The following TOP1MT variants were observed in gnomAD, a reference collection of about 807,000 sequenced individuals.
The protein encoded by TOP1MT is DNA topoisomerase I mitochondrial.
In TOP1MT, 80 loss-of-function variants were observed where a neutral mutation model predicts 73.9. The ratio of observed to expected loss-of-function variants is 1.08; its 90% confidence interval spans 0.90 to 1.30. The LOEUF is 1.30. Ranked by LOEUF, TOP1MT falls within the 50% of genes most tolerant of loss-of-function variation. TOP1MT has a pLI of 0.00. For missense variants in TOP1MT, 815 were observed against 808.0 expected (o/e 1.01, Z -0.10); for synonymous variants, 338 against 326.4 (o/e 1.04, Z -0.38).
intron 1 of TOP1MT, chr8:143,355,885 C>T (rs1034505635): frequency 1.3e-5 from 2 of 152,294 alleles, no homozygotes; most frequent in African/African-American, 4.8e-5. Flanking sequence ...TGATCTCACC[C>T]TGTGCCCTCG....
chr8:143,345,623 T>A (rs561581933), upstream of TOP1MT, among the ~76,000 whole-genome samples: 2 of 152,344 alleles, frequency 1.3e-5, no homozygotes, highest in African/African-American at 4.8e-5. Context: ...AAGGCTTGCA[T>A]TAATTTAGTA....
Position 143,317,717 on chromosome 8 carries a change from G to T in TOP1MT, c.1330+6C>A. The T allele has an allele frequency of 5.6e-6, 9 of 1,611,412 alleles. No homozygotes were observed. Among genetic ancestry groups the T allele is most frequent in the Admixed American group, 1.7e-5 (1 of 59,998 alleles). On this transcript the variant is annotated splice_donor_region_variant and intron_variant, in intron 10 of 13. Transcript: ENST00000329245. ...CGCGCTGAGTGTGGGTGTGGGGCAG[G>T]CTCACCGCGCGTCAGGGCCCGCAGC... is the stretch of plus-strand genomic sequence containing the variant.
intron 2 of TOP1MT, among the ~76,000 whole-genome samples, chr8:143,330,384 C>T (rs1025332723): frequency 6.6e-6 from 1 of 152,216 alleles, no homozygotes; most frequent in Non-Finnish European, 1.5e-5. Context: ...CAGCGCGAGA[C>T]GCTCAGTAAG....
At chr8:143,324,703 G>A in intron 5 of TOP1MT, 74 bp from the exon 6 acceptor site, 1 of 1,551,144 alleles carries the variant, frequency 6.4e-7, no homozygotes, top group Non-Finnish European at 8.7e-7. Flanking sequence ...GAGCTGCTCT[G>A]GTCAACCGTC....
chr8:143,330,888 C>T (rs1227706266), intron 2 of TOP1MT, among the ~76,000 whole-genome samples: 2 of 136,762 alleles, frequency 1.5e-5, no homozygotes, highest in Admixed American at 8.9e-5. Flanking sequence ...TGTGTACACG[C>T]AGTGTACGTA....
chr8:143,321,291 C>T lies in TOP1MT; in HGVS notation c.1056G>A (p.Pro352=), dbSNP rs1816335373. 4 of 1,612,630 alleles carry T rather than the reference C, an allele frequency of 2.5e-6. No homozygotes were observed. Among genetic ancestry groups the T allele is most frequent in the South Asian group, 1.1e-5 (1 of 91,020 alleles). The part of the protein sequence containing the change: ...SLRVEHVQLH[P]EADGCQHVVE... ...CCACGTGTTGGCAGCCATCGGCCTC[C>T]GGGTGCAGCTGGACGTGCTCCACGC... is the stretch of plus-strand genomic sequence containing the variant. Residue 352 remains proline, a synonymous_variant, in exon 8 of 14, where the codon CCG becomes CCA. Transcript: ENST00000329245.
intron 8 of TOP1MT, 130 bp from the exon 9 acceptor site, chr8:143,318,216 C>T (rs1357029635): frequency 2.2e-5 from 16 of 724,762 alleles, no homozygotes; most frequent in South Asian, 5.0e-5. Context: ...GCAGCATCAC[C>T]GTCACCTGTC....
At chr8:143,346,361 A>G (rs1184850861), upstream of TOP1MT, among the ~76,000 whole-genome samples, 1 of 152,260 alleles carries the variant, frequency 6.6e-6, no homozygotes, top group East Asian at 1.9e-4. Flanking sequence ...TGGGATATTG[A>G]GACACCCAGA....
At chr8:143,330,194 TC>T (rs1816814621) in intron 2 of TOP1MT, among the ~76,000 whole-genome samples, 1 of 152,102 alleles carries the variant, frequency 6.6e-6, no homozygotes, top group African/African-American at 2.4e-5. Flanking sequence ...GGGGCTCAGC[TC>T]CCACTGCCCC....
intron 12 of TOP1MT, among the ~76,000 whole-genome samples, chr8:143,312,286 T>A (rs902722070): frequency 3.9e-5 from 6 of 152,148 alleles, no homozygotes; most frequent in Non-Finnish European, 7.4e-5. Context: ...AACTATAGAC[T>A]AACATGCTCA....
intron 2 of TOP1MT, among the ~76,000 whole-genome samples, chr8:143,342,681 A>G (rs796497564): frequency 0.084 from 1,250 of 14,910 alleles, 504 homozygotes; most frequent in African/African-American, 0.23. Context: ...TCGCTCTATT[A>G]TTATTATTAT....
chr8:143,311,791 A>T (rs1816022229), intron 12 of TOP1MT, among the ~76,000 whole-genome samples: 1 of 152,054 alleles, frequency 6.6e-6, no homozygotes, highest in Non-Finnish European at 1.5e-5. Flanking sequence ...ATGAGGAATG[A>T]ATGAAAGAGG....
At position 143,329,479 on chromosome 8, in the gene TOP1MT, C is replaced by T. The variant is rs974323759; in HGVS notation, c.239-8G>A. 1.7e-5 allele frequency: 28 copies of T among 1,606,122 alleles called. No individual in the cohort carries two copies. Among genetic ancestry groups the T allele is most frequent in the Non-Finnish European group, 2.4e-5 (28 of 1,177,930 alleles). ...TCAATCTCACAGGCCTTCCTGCAGG[C>T]ATCGGAAGACACATCGTATGAGAGA... On this transcript the variant is annotated splice_region_variant and splice_polypyrimidine_tract_variant and intron_variant, in intron 2 of 13. Coordinates refer to ENST00000329245, the MANE Select transcript of TOP1MT (RefSeq NM_052963.3).
At chr8:143,309,765 C>T (rs1172202176) in intron 13 of TOP1MT, 2 of 1,533,412 alleles carry the variant, frequency 1.3e-6, no homozygotes, top group Admixed American at 3.9e-5. Flanking sequence ...TAGGTGTCCA[C>T]CGAGCAGGGC....
At chr8:143,322,679 G>A (rs1463760734) in intron 7 of TOP1MT, among the ~76,000 whole-genome samples, 15 of 64,120 alleles carry the variant, frequency 2.3e-4, no homozygotes, top group African/African-American at 5.7e-4. Flanking sequence ...ACACACGCAC[G>A]CCACACACGC....
At chr8:143,315,904 C>T in intron 11 of TOP1MT, 83 bp from the exon 12 acceptor site, 1 of 1,604,916 alleles carries the variant, frequency 6.2e-7, no homozygotes, top group Non-Finnish European at 8.5e-7. Context: ...ACCCTACGTG[C>T]CCACCGCAGC....
intron 10 of TOP1MT, among the ~76,000 whole-genome samples, chr8:143,317,036 C>T (rs368866276): frequency 1.3e-5 from 2 of 152,250 alleles, no homozygotes; most frequent in South Asian, 2.1e-4. Context: ...CTGAGGCCCA[C>T]GGGTGCACGC....
At chr8:143,330,880 T>G (rs753289404) in intron 2 of TOP1MT, among the ~76,000 whole-genome samples, 1 of 139,126 alleles carries the variant, frequency 7.2e-6, no homozygotes, top group East Asian at 2.1e-4. Flanking sequence ...GATCCATGTG[T>G]GTACACGCAG....
intron 1 of TOP1MT, among the ~76,000 whole-genome samples, chr8:143,332,147 G>A (rs1816874989): frequency 6.6e-6 from 1 of 152,208 alleles, no homozygotes; most frequent in East Asian, 1.9e-4. Context: ...TCTATCCATT[G>A]AGGCAAGCCC....
Sources: allele counts gnomAD v4.1 joint callset (sites outside exome capture counted in the v4.1 genomes callset), GRCh38; gene constraint gnomAD v4.1.1; transcripts MANE v1.5; gene names NCBI Gene and HGNC (gene_info 2026-07-23, HGNC 2026-07-21).